The following TMEM165 variants were observed in gnomAD, a reference collection of about 807,000 sequenced individuals.
The protein encoded by TMEM165 is putative divalent cation/proton antiporter TMEM165.
In TMEM165, 19 loss-of-function variants were observed where a neutral mutation model predicts 30.0. The observed-to-expected ratio is 0.63, with a 90% CI of 0.44 to 0.93. The LOEUF (loss-of-function observed/expected upper bound fraction) is 0.93, where lower values mean the gene tolerates loss of function less well. TMEM165 is among the 40% of genes least tolerant of loss of function. The pLI, the probability that TMEM165 is intolerant of heterozygous loss-of-function variation, is 0.00. For missense variants in TMEM165, 340 were observed against 417.0 expected, an observed-to-expected ratio of 0.82 and a Z score of 1.61; for synonymous variants, 168 against 162.9, an observed-to-expected ratio of 1.03 and a Z score of -0.24.
chr4:55,415,869 T>G (rs1721698817), intron 2 of TMEM165: 1 of 152,056 alleles, frequency 6.6e-6, no homozygotes, highest in African/African-American at 2.4e-5. Flanking sequence ...CTTTTTTTTT[T>G]TCTGAGATGG....
At chr4:55,396,614 G>A (rs186346364) in intron 1 of TMEM165, among the ~76,000 whole-genome samples, 17 of 152,336 alleles carry the variant, frequency 1.1e-4, no homozygotes, top group Non-Finnish European at 2.1e-4. Context: ...TCCAAGAGGA[G>A]CCCGCTATAA....
intron 1 of TMEM165, 60 bp from the exon 2 acceptor site, chr4:55,411,554 G>T (rs547922218): frequency 6.7e-5 from 97 of 1,440,522 alleles, no homozygotes; most frequent in African/African-American, 8.7e-5. Flanking sequence ...TCTTATTTAC[G>T]TGCAAAATAA....
intron 3 of TMEM165, chr4:55,444,505 G>A (rs1248043102): frequency 1.7e-5 from 19 of 1,101,058 alleles, no homozygotes; most frequent in Non-Finnish European, 2.6e-5. Flanking sequence ...GGTAACCAGT[G>A]AATATTTATT....
chr4:55,442,509 G>A, intron 3 of TMEM165: 1 of 1,608,892 alleles, frequency 6.2e-7, no homozygotes. Context: ...ATGGAATCTG[G>A]ACCATGCTTC....
At chr4:55,416,429 T>G (rs112605784) in intron 2 of TMEM165, among the ~76,000 whole-genome samples, 248 of 152,344 alleles carry the variant, frequency 1.6e-3, no homozygotes, top group African/African-American at 5.7e-3. Flanking sequence ...GCATCATTTT[T>G]TATATAACTT....
At chr4:55,438,590 C>A in intron 3 of TMEM165, 1 of 1,610,980 alleles carries the variant, frequency 6.2e-7, no homozygotes, top group Non-Finnish European at 8.5e-7. Context: ...AGGTATACAT[C>A]ATAAAACGCA....
At chr4:55,421,166 CAAAAAAAAAAA>C (rs71194559) in intron 4 of TMEM165, among the ~76,000 whole-genome samples, 1 of 83,496 alleles carries the variant, frequency 1.2e-5, no homozygotes, top group Admixed American at 1.2e-4. Context: ...GATTCCATCT[CAAAAAAAAAAA>C]AAAAAAAAAA....
chr4:55,406,965 T>TTATTTTGTC (rs1721295725), intron 1 of TMEM165, among the ~76,000 whole-genome samples: 1 of 152,222 alleles, frequency 6.6e-6, no homozygotes, highest in African/African-American at 2.4e-5. Context: ...CGACATTTAG[T>TTATTTTGTC]TATTTTGTCT....
At chr4:55,402,809 T>TTTTTTTTTTA (rs1560387581) in intron 1 of TMEM165, among the ~76,000 whole-genome samples, 3 of 131,922 alleles carry the variant, frequency 2.3e-5, no homozygotes, top group African/African-American at 9.2e-5. Flanking sequence ...TTTTTTTTTT[T>TTTTTTTTTTA]GAGACGGAGT....
At chr4:55,407,663 G>C (rs1721325278) in intron 1 of TMEM165, among the ~76,000 whole-genome samples, 1 of 152,108 alleles carries the variant, frequency 6.6e-6, no homozygotes, top group Non-Finnish European at 1.5e-5. Context: ...GTTCATTTGG[G>C]GAACCTGGTA....
intron 3 of TMEM165, chr4:55,448,790 C>CT: frequency 6.2e-7 from 1 of 1,613,570 alleles, no homozygotes; most frequent in Non-Finnish European, 8.5e-7. Context: ...TGGGACATGC[C>CT]TTGTGGAATT....
At chr4:55,444,306 A>G (rs73151872) in intron 3 of TMEM165, among the ~76,000 whole-genome samples, 2,057 of 152,286 alleles carry the variant, frequency 0.014, 45 homozygotes, top group African/African-American at 0.047. Context: ...ATTACTGATG[A>G]TTGATTTATA....
intron 1 of TMEM165, among the ~76,000 whole-genome samples, chr4:55,400,302 A>T (rs1409878881): frequency 9.3e-6 from 1 of 107,218 alleles, no homozygotes; most frequent in Admixed American, 1.4e-4. Context: ...ATATAATATT[A>T]TATATAATAT....
chr4:55,400,205 T>C (rs1720898610), intron 1 of TMEM165, among the ~76,000 whole-genome samples: 1 of 43,962 alleles, frequency 2.3e-5, no homozygotes, highest in Non-Finnish European at 3.6e-5. Flanking sequence ...AATATATAAT[T>C]TATATTTATA....
At position 55,424,587 on chromosome 4, in the gene TMEM165, CG is replaced by C; in HGVS notation, c.845del (p.Gly282AspfsTer4). 1 of 1,613,806 alleles carries C rather than the reference CG, an allele frequency of 6.2e-7. No individual in the cohort carries two copies. The highest frequency in any genetic ancestry group is 8.5e-7 in the Non-Finnish European group (1 of 1,179,802). On this transcript the variant is annotated frameshift_variant, in exon 5 of 6. Transcript: ENST00000381334. LOFTEE classifies it high-confidence loss of function. Reference protein sequence around the residue: ...VGGTVGHCLCTGLAVIGGRMI... With the variant: ...VGGTVGHCLCXGLAVIGGRMI... ...GGAACTGTGGGGCACTGCCTGTGCA[CG>C]GGATTGGCAGTAATTGGAGGAAGAA...
intron 1 of TMEM165, chr4:55,403,146 TA>T: frequency 1.2e-6 from 1 of 828,582 alleles, no homozygotes; most frequent in Non-Finnish European, 1.7e-6. Context: ...AAGCAAATTG[TA>T]AGCATTTTCT....
At chr4:55,434,736 G>C (rs999114194) in intron 3 of TMEM165, 2 of 154,532 alleles carry the variant, frequency 1.3e-5, no homozygotes, top group Non-Finnish European at 2.9e-5. Context: ...AAACAGGATG[G>C]ATCAGTTTGC....
chr4:55,401,759 G>A (rs1721002137), intron 1 of TMEM165, among the ~76,000 whole-genome samples: 2 of 149,998 alleles, frequency 1.3e-5, no homozygotes, highest in African/African-American at 5.1e-5. Context: ...CTTCTCAGAA[G>A]GTAATTATAT....
At chr4:55,453,146 T>A (rs190468121) in exon 4 of TMEM165, 14 of 1,604,200 alleles carry the variant, frequency 8.7e-6, no homozygotes, top group East Asian at 2.2e-5. Flanking sequence ...ATGGAAAAAA[T>A]AATCAAATTT....
Sources: gnomAD v4.1 joint callset for allele counts (sites outside exome capture counted in the v4.1 genomes callset) on GRCh38, gnomAD v4.1.1 for gene constraint, MANE v1.5 for transcripts, NCBI Gene and HGNC (gene_info 2026-07-23, HGNC 2026-07-21) for gene names.